Variants in TMPRSS11D observed in about 807,000 individuals in gnomAD.
TMPRSS11D encodes the protein transmembrane protease serine 11D.
TMPRSS11D carries 32 observed loss-of-function variants against 44.4 expected under a neutral mutation model. That is an observed-to-expected ratio of 0.72 (90% CI 0.54 to 0.97). TMPRSS11D has a LOEUF of 0.97. TMPRSS11D is among the 50% of genes least tolerant of loss of function. TMPRSS11D has a pLI of 0.00. For missense variants in TMPRSS11D, 446 were observed against 502.6 expected, an observed-to-expected ratio of 0.89 and a Z score of 1.08; for synonymous variants, 179 against 177.9, an observed-to-expected ratio of 1.01 and a Z score of -0.05.
intron 1 of TMPRSS11D, among the ~76,000 whole-genome samples, chr4:67,871,585 A>G (rs976565271): frequency 3.9e-5 from 6 of 152,184 alleles, no homozygotes; most frequent in Non-Finnish European, 8.8e-5. Flanking sequence ...ACTACTTGCC[A>G]TTTCTGTGAA....
intron 1 of TMPRSS11D, among the ~76,000 whole-genome samples, chr4:67,873,908 G>C (rs533488096): frequency 2.5e-4 from 38 of 152,170 alleles, no homozygotes; most frequent in Middle Eastern, 3.4e-3. Flanking sequence ...AATGTTCAAA[G>C]CCTTAACTTA....
At chr4:67,846,764 A>G (rs761379459) in intron 3 of TMPRSS11D, among the ~76,000 whole-genome samples, 2 of 145,956 alleles carry the variant, frequency 1.4e-5, no homozygotes, top group Non-Finnish European at 3.0e-5. Flanking sequence ...TTATGTGTGC[A>G]TGTCAGAGAA....
chr4:67,839,885 G>T (rs574612912), intron 4 of TMPRSS11D, among the ~76,000 whole-genome samples: 41 of 151,442 alleles, frequency 2.7e-4, no homozygotes, highest in African/African-American at 9.4e-4. Context: ...CAACGTGCAG[G>T]TTTGTTACAT....
chr4:67,824,137 GTTTTT>G (rs5859106), intron 9 of TMPRSS11D, among the ~76,000 whole-genome samples: 4 of 143,774 alleles, frequency 2.8e-5, no homozygotes, highest in Non-Finnish European at 4.5e-5. Context: ...AAAGTGCTGT[GTTTTT>G]TTTTTTTTTT....
intron 1 of TMPRSS11D, among the ~76,000 whole-genome samples, chr4:67,871,212 G>T (rs138334212): frequency 6.2e-4 from 94 of 152,300 alleles, no homozygotes; most frequent in African/African-American, 2.2e-3. Flanking sequence ...TTCAGGGAAA[G>T]AATTTCTTGA....
intron 7 of TMPRSS11D, among the ~76,000 whole-genome samples, chr4:67,828,670 CAT>C (rs1054912780): frequency 1.5e-4 from 23 of 152,102 alleles, no homozygotes; most frequent in African/African-American, 5.6e-4. Flanking sequence ...AAATTTTAAA[CAT>C]GTCAGATCAA....
intron 1 of TMPRSS11D, 89 bp from the exon 2 acceptor site, chr4:67,859,767 G>C (rs753516910): frequency 1.3e-6 from 2 of 1,520,412 alleles, no homozygotes; most frequent in Admixed American, 1.8e-5. Context: ...TGTCTTTCCC[G>C]GTCTCTTATC....
intron 1 of TMPRSS11D, among the ~76,000 whole-genome samples, chr4:67,867,396 G>A (rs1170198553): frequency 6.6e-6 from 1 of 151,820 alleles, no homozygotes; most frequent in Non-Finnish European, 1.5e-5. Flanking sequence ...AAGATGTAGG[G>A]AAAACTTTTG....
chr4:67,869,178 G>T (rs749492365), intron 1 of TMPRSS11D, among the ~76,000 whole-genome samples: 20 of 152,304 alleles, frequency 1.3e-4, no homozygotes, highest in Admixed American at 5.9e-4. Context: ...CTGAGCAAAG[G>T]TCTTGGGACT....
At chr4:67,870,284 G>A (rs563248676) in intron 1 of TMPRSS11D, among the ~76,000 whole-genome samples, 1 of 152,180 alleles carries the variant, frequency 6.6e-6, no homozygotes, top group Admixed American at 6.5e-5. Flanking sequence ...ATCTCGTTAA[G>A]TCTCTGACTT....
intron 9 of TMPRSS11D, 134 bp downstream of exon 9, chr4:67,825,598 T>C: frequency 9.5e-7 from 1 of 1,047,692 alleles, no homozygotes. Context: ...ATTTCTAAAA[T>C]CTAGATTATA....
chr4:67,859,614 C>T lies in TMPRSS11D; in HGVS notation c.73G>A (p.Ala25Thr), dbSNP rs961924298. 8 of 1,613,080 alleles carry T rather than the reference C, an allele frequency of 5.0e-6. No individual in the cohort carries two copies. Among genetic ancestry groups the T allele is most frequent in the East Asian group, 2.2e-5 (1 of 44,854 alleles). ...GTGACTGCCAGGATCACTACCCCTG[C>T]GACGACAATGAAACATACTACATAT... ...NPYVVCFIVV[A>T]GVVILAVTIA... The change falls in exon 2 of 10, where the codon GCA becomes ACA. Residue 25 changes from alanine to threonine, a missense_variant. Physicochemically the swap from Ala to Thr is moderately conservative, Grantham distance 58. Transcript: ENST00000283916.
intron 1 of TMPRSS11D, 38 bp downstream of exon 1, chr4:67,883,888 A>G: frequency 1.3e-6 from 2 of 1,561,824 alleles, no homozygotes; most frequent in Non-Finnish European, 1.7e-6. Flanking sequence ...AAGATATAGT[A>G]AAACTTTTAA....
At chr4:67,876,112 G>A (rs1308667864) in intron 1 of TMPRSS11D, among the ~76,000 whole-genome samples, 2 of 152,040 alleles carry the variant, frequency 1.3e-5, no homozygotes, top group South Asian at 2.1e-4. Context: ...CTGTCCAGGG[G>A]CCTGTGTTTT....
intron 9 of TMPRSS11D, 53 bp from the exon 10 acceptor site, chr4:67,822,551 ATTAAGG>A: frequency 1.3e-6 from 2 of 1,595,104 alleles, no homozygotes; most frequent in Non-Finnish European, 1.7e-6. Flanking sequence ...AACCCAAAAT[ATTAAGG>A]AGTTTATTTC....
At chr4:67,859,723 T>A in intron 1 of TMPRSS11D, 45 bp from the exon 2 acceptor site, 2 of 1,607,362 alleles carry the variant, frequency 1.2e-6, no homozygotes, top group Non-Finnish European at 1.7e-6. Flanking sequence ...TTTCACTGAT[T>A]TCATCCATCA....
chr4:67,839,523 AT>A (rs1482111848), intron 4 of TMPRSS11D, among the ~76,000 whole-genome samples: 9 of 152,106 alleles, frequency 5.9e-5, no homozygotes, highest in Non-Finnish European at 1.0e-4. Context: ...CCACAGGCTT[AT>A]GTTTAGCATT....
rs1435863151 is a variant in TMPRSS11D at position 67,883,929 on chromosome 4, T to A, written c.5A>T (p.Tyr2Phe). M[Y>F]RPARVTSTSR... ...CAAAGACAAAAACAGGACTTACCTA[T>A]ACATTTTAATCCTTAATGAAGAGGT... The change falls in exon 1 of 10, where the codon TAT (tyrosine) becomes TTT (phenylalanine). Residue 2 changes from tyrosine (Y) to phenylalanine (F), a missense_variant. Transcript: ENST00000283916. The A allele has an allele frequency of 6.2e-7, 1 of 1,602,578 alleles. No individual in the cohort carries two copies. The highest frequency in any genetic ancestry group is 1.1e-5 in the South Asian group (1 of 89,250).
intron 1 of TMPRSS11D, among the ~76,000 whole-genome samples, chr4:67,879,583 A>G (rs1719274033): frequency 6.6e-6 from 1 of 152,108 alleles, no homozygotes; most frequent in Non-Finnish European, 1.5e-5. Context: ...AAAAACCAGG[A>G]AAGAATGGTG....
Sources: gnomAD v4.1 joint callset for allele counts (sites outside exome capture counted in the v4.1 genomes callset) on GRCh38, gnomAD v4.1.1 for gene constraint, MANE v1.5 for transcripts, NCBI Gene and HGNC (gene_info 2026-07-23, HGNC 2026-07-21) for gene names.